HMGB3: variants seen among roughly 807,000 people sequenced by gnomAD.
HMGB3 encodes the protein high mobility group box 3.
Under a neutral mutation model 12.9 loss-of-function variants are expected in HMGB3, and 1 was observed. The ratio of observed to expected loss-of-function variants is 0.08; its 90% confidence interval spans 0.03 to 0.37. HMGB3 has a LOEUF of 0.37. HMGB3 is among the 10% of genes least tolerant of loss of function. The probability of loss-of-function intolerance (pLI) is 0.99; values close to 1 mark genes in which losing one functional copy is unlikely to be tolerated. For missense variants in HMGB3, 74 were observed against 153.3 expected (o/e 0.48, Z 2.73); for synonymous variants, 61 against 53.9 (o/e 1.13, Z -0.57).
Position 150,985,725 on chromosome X carries a change from C to T in HMGB3, c.126C>T (p.Ser42=), listed in dbSNP as rs1403396219. The part of the protein sequence containing the change: ...PEVPVNFAEF[S]KKCSERWKTM... ...TCCCTGTCAATTTTGCGGAATTTTC[C>T]AAGAAGTGCTCTGAGAGGTGGAAGG... Residue 42 remains serine, a synonymous_variant, in exon 2 of 5, where the codon TCC becomes TCT. Transcript: ENST00000325307. 2.5e-6 allele frequency: 3 copies of T among 1,208,472 alleles called. No homozygotes were observed. Among genetic ancestry groups the T allele is most frequent in the Non-Finnish European group, 2.2e-6 (2 of 893,865 alleles).
chrX:150,987,639 C>A, intron 4 of HMGB3, 138 bp from the exon 5 acceptor site: 1 of 505,371 alleles, frequency 2.0e-6, no homozygotes, highest in Non-Finnish European at 3.3e-6. Context: ...TATATGGAAA[C>A]ACTTCAGATA....
At chrX:150,983,865 G>A (rs1179611828) in intron 1 of HMGB3, among the ~76,000 whole-genome samples, 8 of 106,496 alleles carry the variant, frequency 7.5e-5, no homozygotes, top group Non-Finnish European at 1.6e-4. Flanking sequence ...CCCGCCGGGG[G>A]CTGCGCGGCT....
rs2048005838 is a variant in HMGB3 at position 150,983,361 on chromosome X, C to G, written c.-21C>G. ...CGCGTCGTGCCCTGCGCTGCCCAGA[C>G]TAGCGAACAATACAGGTACGTCTCG... On this transcript the variant is annotated 5_prime_UTR_variant, in exon 1 of 5. Coordinates refer to ENST00000325307, the MANE Select transcript of HMGB3 (RefSeq NM_005342.4). 4.0e-6 allele frequency: 3 copies of G among 755,535 alleles called. No individual in the cohort carries two copies. In the Admixed American group the frequency reaches 2.6e-4, roughly 66 times the overall value. The allele number at this position is 755,535 out of a possible 1,213,427, so 62.3% of individuals were successfully genotyped here.
chrX:150,983,771 G>T lies in HMGB3; in HGVS notation c.-6+395G>T, dbSNP rs1394053796. Among the ~76,000 whole-genome samples the T allele has an allele frequency of 4.1e-3, 444 of 107,328 alleles. 2 individuals are homozygous for T. Among genetic ancestry groups the T allele is most frequent in the African/African-American group, 0.014 (411 of 30,133 alleles). 93.2% of individuals were successfully genotyped at this position (107,328 alleles called of 115,157 possible). ...GCGAGCAGAGGGGCGGCTGCGGGCT[G>T]TGGGCGCTGGGCGGCGGCAGCGGGA... On this transcript the variant is annotated intron_variant, in intron 1 of 4. Coordinates refer to ENST00000325307, the MANE Select transcript of HMGB3 (RefSeq NM_005342.4).
chrX:150,983,727 C>T (rs1444584932), intron 1 of HMGB3: 93 of 236,389 alleles, frequency 3.9e-4, no homozygotes, highest in Non-Finnish European at 5.4e-4. Context: ...GTTTGGGCAG[C>T]TGCGGCTGCG....
rs2048075560 is a variant in HMGB3, at chrX:150,988,286, C to A, written c.*372C>A. ...GTAACTATGGTTATTGGCTAGAAAT[C>A]CTGAGTTTTCAACTGTATATATCTA... On this transcript the variant is annotated 3_prime_UTR_variant, in exon 5 of 5. Coordinates refer to ENST00000325307, the MANE Select transcript of HMGB3 (RefSeq NM_005342.4). 1 of 135,117 alleles carries A rather than the reference C, an allele frequency of 7.4e-6. No homozygotes were observed. The highest frequency in any genetic ancestry group is 3.1e-5 in the African/African-American group (1 of 31,889). 11.1% of individuals were successfully genotyped at this position (135,117 alleles called of 1,213,427 possible).
chrX:150,987,320 G>T lies in HMGB3; in HGVS notation c.465+18G>T. ...ATGAGAAGGTAAGGTGGGGCTGGAAGCCTGGACTGGTGAACAGGCAGTGGT... is the reference window on the plus strand; with the variant it reads ...ATGAGAAGGTAAGGTGGGGCTGGAATCCTGGACTGGTGAACAGGCAGTGGT... On this transcript the variant is annotated intron_variant, in intron 4 of 4. Transcript: ENST00000325307. 8.5e-7 allele frequency: 1 copy of T among 1,182,353 alleles called. No individual in the cohort carries two copies. Among genetic ancestry groups the T allele is most frequent in the Non-Finnish European group, 1.1e-6 (1 of 875,787 alleles).
chrX:150,983,472 C>A (rs1557425142), intron 1 of HMGB3, 96 bp downstream of exon 1: 32 of 746,560 alleles, frequency 4.3e-5, no homozygotes, highest in African/African-American at 4.7e-5. Flanking sequence ...CACAACTTTC[C>A]GGCCCGCGCC....
At chrX:150,986,583 CACACAG>C (rs1188618497) in intron 3 of HMGB3, among the ~76,000 whole-genome samples, 8 of 70,608 alleles carry the variant, frequency 1.1e-4, no homozygotes, top group South Asian at 8.3e-4. Context: ...TGCATACACA[CACACAG>C]AGCACCATAT....
intron 3 of HMGB3, 50 bp from the exon 4 acceptor site, chrX:150,987,078 T>C (rs2048061193): frequency 1.9e-6 from 2 of 1,034,578 alleles, no homozygotes; most frequent in African/African-American, 3.8e-5. Flanking sequence ...ATTTCAACTT[T>C]AACTCAAATT....
At chrX:150,980,691 G>A (rs2047987827), upstream of HMGB3, 1 of 590,002 alleles carries the variant, frequency 1.7e-6, no homozygotes, top group Non-Finnish European at 2.0e-6. Context: ...TGGGGCAGTG[G>A]GGCAGGGAAG....
rs1455499265 is a variant in HMGB3 at position 150,990,687 on chromosome X, T to C, written c.*2773T>C. Reference sequence around the variant, plus strand: ...GACTATTGTCTGTGTCTCCTGTGTGTGTCTGTTCTTGTCACAAATGTATTT... The same window carrying C: ...GACTATTGTCTGTGTCTCCTGTGTGCGTCTGTTCTTGTCACAAATGTATTT... On this transcript the variant is annotated 3_prime_UTR_variant, in exon 5 of 5. Coordinates refer to ENST00000325307, the MANE Select transcript of HMGB3 (RefSeq NM_005342.4). 1 of 111,826 alleles carries C rather than the reference T, an allele frequency of 8.9e-6. No individual in the cohort carries two copies. The highest frequency in any genetic ancestry group is 2.8e-4 in the East Asian group (1 of 3,561). 9.2% of individuals were successfully genotyped at this position (111,826 alleles called of 1,213,427 possible).
At chrX:150,985,864 G>C (rs2048046903) in intron 2 of HMGB3, 115 bp downstream of exon 2, 1 of 857,414 alleles carries the variant, frequency 1.2e-6, no homozygotes, top group African/African-American at 2.0e-5. Context: ...CTTTTACTTA[G>C]AATCATTTTT....
In HMGB3 at chrX:150,987,152, A is replaced by G. The variant is rs2048062061; in HGVS notation, c.315A>G (p.Ser105=). The part of the protein sequence containing the change: ...RPPSGFFLFC[S]EFRPKIKSTN... ...GGTCTGGATTCTTCCTGTTCTGTTC[A>G]GAATTCCGCCCCAAGATCAAATCCA... is the stretch of plus-strand genomic sequence containing the variant. Residue 105 remains serine (S), a synonymous_variant, in exon 4 of 5, where the codon TCA becomes TCG. Coordinates refer to ENST00000325307, the MANE Select transcript of HMGB3 (RefSeq NM_005342.4). The G allele has an allele frequency of 8.3e-7, 1 of 1,207,604 alleles. No homozygotes were observed. The highest frequency in any genetic ancestry group is 1.1e-6 in the Non-Finnish European group (1 of 893,621).
Position 150,990,330 on chromosome X carries a change from T to C in HMGB3, c.*2416T>C, listed in dbSNP as rs1235267589. 2 of 111,980 alleles carry C rather than the reference T, an allele frequency of 1.8e-5. No individual in the cohort carries two copies. The highest frequency in any genetic ancestry group is 2.8e-4 in the East Asian group (1 of 3,574). The allele number at this position is 111,980 out of a possible 1,213,427, so 9.2% of individuals were successfully genotyped here. ...CAGATGATCTTTGATTAGGCAAACATTGAGTTTTAAAGAGGCTGTCAAGTT... is the reference window on the plus strand; with the variant it reads ...CAGATGATCTTTGATTAGGCAAACACTGAGTTTTAAAGAGGCTGTCAAGTT... On this transcript the variant is annotated 3_prime_UTR_variant, in exon 5 of 5. Coordinates refer to ENST00000325307, the MANE Select transcript of HMGB3 (RefSeq NM_005342.4).
Position 150,986,167 on chromosome X carries a change from T to C in HMGB3, c.267T>C (p.Asp89=), listed in dbSNP as rs782120890. ...GPAKGGKKKK[D]PNAPKRPPSG... ...CTAAGGGAGGCAAGAAGAAGAAGGA[T>C]CCTAATGCTCCCAAAAGGCCACCGT... Residue 89 remains aspartate, a synonymous_variant, in exon 3 of 5, where the codon GAT becomes GAC. Transcript: ENST00000325307. 1 of 1,195,550 alleles carries C rather than the reference T, an allele frequency of 8.4e-7. No homozygotes were observed. The highest frequency in any genetic ancestry group is 1.9e-5 in the South Asian group (1 of 53,912).
chrX:150,984,705 G>A, intron 1 of HMGB3: 1 of 270,153 alleles, frequency 3.7e-6, no homozygotes, highest in Non-Finnish European at 5.1e-6. Flanking sequence ...CCCCGCTCCC[G>A]GTCCCGCCCC....
chrX:150,987,336 A>T, intron 4 of HMGB3, 34 bp downstream of exon 4: 1 of 1,140,999 alleles, frequency 8.8e-7, no homozygotes, highest in South Asian at 2.0e-5. Flanking sequence ...ACTGGTGAAC[A>T]GGCAGTGGTT....
chrX:150,982,398 C>T (rs1341309967), upstream of HMGB3, among the ~76,000 whole-genome samples: 2 of 112,071 alleles, frequency 1.8e-5, no homozygotes, highest in African/African-American at 3.2e-5. Context: ...CAAGGCCATA[C>T]CACCAGCCAA....
Sources: gnomAD v4.1 joint callset for allele counts (sites outside exome capture counted in the v4.1 genomes callset) on GRCh38, gnomAD v4.1.1 for gene constraint, MANE v1.5 for transcripts, NCBI Gene and HGNC (gene_info 2026-07-23, HGNC 2026-07-21) for gene names.